Variants in KCNQ3 observed in about 807,000 individuals in gnomAD.
The protein encoded by KCNQ3 is potassium voltage-gated channel subfamily KQT member 3.
KCNQ3 carries 30 observed loss-of-function variants against 92.5 expected under a neutral mutation model. The ratio of observed to expected loss-of-function variants is 0.32; its 90% confidence interval spans 0.24 to 0.44. The LOEUF is 0.44. Among genes scored for constraint, KCNQ3 ranks in the 20% least tolerant of loss-of-function variants. KCNQ3 has a pLI of 1.00. For missense variants in KCNQ3, 913 were observed against 1,140.3 expected, an observed-to-expected ratio of 0.80 and a Z score of 2.87; for synonymous variants, 450 against 468.8, an observed-to-expected ratio of 0.96 and a Z score of 0.52.
At position 132,137,888 on chromosome 8, in the gene KCNQ3, G is replaced by T. The variant is rs746403693; in HGVS notation, c.1697C>A (p.Thr566Lys). ...DMLSRIKYLQ[T>K]RIDMIFTPGP... ...CCTCCAGATGTGACTGTCTCACCTC[G>T]TCTGAAGGTACTTTATCCTGGAAAG... The change falls in exon 12 of 15, where the codon ACG (threonine) becomes AAG (lysine). Residue 566 changes from threonine to lysine, a missense_variant. Physicochemically the swap from Thr to Lys is moderately conservative, Grantham distance 78 (BLOSUM62 -1). Coordinates refer to ENST00000388996, the MANE Select transcript of KCNQ3 (RefSeq NM_004519.4). The T allele has an allele frequency of 6.2e-7, 1 of 1,614,012 alleles. No individual in the cohort carries two copies. Among genetic ancestry groups the T allele is most frequent in the Admixed American group, 1.7e-5 (1 of 60,028 alleles).
chr8:132,286,882 T>G (rs1819772320), intron 1 of KCNQ3, among the ~76,000 whole-genome samples: 1 of 152,176 alleles, frequency 6.6e-6, no homozygotes, highest in Non-Finnish European at 1.5e-5. Context: ...AGTGGGTTGT[T>G]ATGAGGAGAG....
intron 1 of KCNQ3, among the ~76,000 whole-genome samples, chr8:132,310,507 C>T (rs1817563562): frequency 6.6e-6 from 1 of 152,190 alleles, no homozygotes; most frequent in Non-Finnish European, 1.5e-5. Context: ...GGGTGGGCAG[C>T]AGAGGACGAG....
Position 132,411,198 on chromosome 8 carries a change from T to G in KCNQ3, c.386+68949A>C, listed in dbSNP as rs568824387. On this transcript the variant is annotated intron_variant, in intron 1 of 14. Coordinates refer to ENST00000388996, the MANE Select transcript of KCNQ3 (RefSeq NM_004519.4). ...AGAGTGTTATTTTAAGAGAAATTGTTTGGCACCTTGTGAATTCAATGTTGC... is the reference window on the plus strand; with the variant it reads ...AGAGTGTTATTTTAAGAGAAATTGTGTGGCACCTTGTGAATTCAATGTTGC... Among the ~76,000 whole-genome samples the G allele has an allele frequency of 8.5e-5, 13 of 152,330 alleles. No homozygotes were observed. In the South Asian group the frequency reaches 1.0e-3, roughly 12 times the overall value.
intron 12 of KCNQ3, among the ~76,000 whole-genome samples, chr8:132,137,438 T>G (rs1825138692): frequency 6.6e-6 from 1 of 152,214 alleles, no homozygotes; most frequent in Non-Finnish European, 1.5e-5. Flanking sequence ...AGGAGTTCAA[T>G]AAAAATGATG....
intron 1 of KCNQ3, among the ~76,000 whole-genome samples, chr8:132,252,290 T>C (rs1447859787): frequency 6.9e-6 from 1 of 144,016 alleles, no homozygotes; most frequent in Non-Finnish European, 1.6e-5. Context: ...GATGTTCAGA[T>C]GTGTCCGGAG....
At chr8:132,211,849 AG>A (rs1311281730) in intron 1 of KCNQ3, among the ~76,000 whole-genome samples, 6 of 148,956 alleles carry the variant, frequency 4.0e-5, no homozygotes, top group African/African-American at 1.5e-4. Context: ...GCAACTTGGG[AG>A]GCTGAGGCAG....
At chr8:132,209,489 G>T (rs1369912905) in intron 1 of KCNQ3, among the ~76,000 whole-genome samples, 1 of 151,600 alleles carries the variant, frequency 6.6e-6, no homozygotes, top group Non-Finnish European at 1.5e-5. Flanking sequence ...CCTGTTCATT[G>T]TCATTAAGCC....
At chr8:132,432,250 C>T (rs941966795) in intron 1 of KCNQ3, among the ~76,000 whole-genome samples, 3 of 151,746 alleles carry the variant, frequency 2.0e-5, no homozygotes, top group East Asian at 1.9e-4. Context: ...GAATTGGAAT[C>T]GAATTAATCA....
chr8:132,309,002 T>C (rs939478822), intron 1 of KCNQ3, among the ~76,000 whole-genome samples: 4 of 152,196 alleles, frequency 2.6e-5, no homozygotes, highest in Admixed American at 1.3e-4. Flanking sequence ...GATTAACATT[T>C]GAGTCAGTGG....
intron 1 of KCNQ3, among the ~76,000 whole-genome samples, chr8:132,358,566 T>C (rs909076468): frequency 2.6e-5 from 4 of 152,162 alleles, no homozygotes; most frequent in East Asian, 1.9e-4. Flanking sequence ...ATTACAAATA[T>C]ATGCGTTTGA....
intron 1 of KCNQ3, among the ~76,000 whole-genome samples, chr8:132,369,788 C>T (rs564799275): frequency 6.6e-6 from 1 of 152,168 alleles, no homozygotes; most frequent in Non-Finnish European, 1.5e-5. Context: ...CGTCCACACA[C>T]CTGGCATTAT....
intron 1 of KCNQ3, among the ~76,000 whole-genome samples, chr8:132,366,874 G>T (rs1376816759): frequency 6.6e-6 from 1 of 152,126 alleles, no homozygotes; most frequent in African/African-American, 2.4e-5. Context: ...TAGAATGTTT[G>T]CTTAATTTCA....
intron 1 of KCNQ3, among the ~76,000 whole-genome samples, chr8:132,214,712 C>T (rs1180556739): frequency 6.6e-6 from 1 of 152,238 alleles, no homozygotes; most frequent in East Asian, 1.9e-4. Flanking sequence ...ATGTTTATGT[C>T]ATTCCTTCAT....
intron 1 of KCNQ3, among the ~76,000 whole-genome samples, chr8:132,231,980 T>A (rs941338368): frequency 6.6e-6 from 1 of 152,136 alleles, no homozygotes; most frequent in African/African-American, 2.4e-5. Context: ...TCCTTATACC[T>A]CCCTACTGGA....
At position 132,189,907 on chromosome 8, in the gene KCNQ3, A is replaced by AAAAAG. The variant is rs1480816124; in HGVS notation, c.387-3727_387-3726insCTTTT. Among the ~76,000 whole-genome samples, 265 of 132,190 alleles carry AAAAAG rather than the reference A, an allele frequency of 2.0e-3. 1 individual carries two copies. Among genetic ancestry groups the AAAAAG allele is most frequent in the African/African-American group, 8.2e-3 (236 of 28,766 alleles). 86.7% of individuals were successfully genotyped at this position (132,190 alleles called of 152,430 possible). On this transcript the variant is annotated intron_variant, in intron 1 of 14. Transcript: ENST00000388996. Reference sequence around the variant, plus strand: ...AATGACCAAAAAAAAAAAAAAAAAAAAGAGAGAGAGAGAGAGAAGAGGATA... The same window carrying AAAAAG: ...AATGACCAAAAAAAAAAAAAAAAAAAAAAAGAGAGAGAGAGAGAGAGAAGAGGATA...
chr8:132,233,967 A>G (rs1015503022), intron 1 of KCNQ3, among the ~76,000 whole-genome samples: 4 of 152,224 alleles, frequency 2.6e-5, no homozygotes, highest in African/African-American at 9.6e-5. Context: ...TGAACACATA[A>G]TTTATTGTCC....
chr8:132,381,696 T>G (rs1408519340), intron 1 of KCNQ3, among the ~76,000 whole-genome samples: 1 of 152,192 alleles, frequency 6.6e-6, no homozygotes, highest in Non-Finnish European at 1.5e-5. Flanking sequence ...GTGTTGACCT[T>G]GTGGTGCTGA....
intron 1 of KCNQ3, among the ~76,000 whole-genome samples, chr8:132,418,260 C>G (rs1820874036): frequency 6.6e-6 from 1 of 152,168 alleles, no homozygotes; most frequent in South Asian, 2.1e-4. Context: ...AGAGGAGCGG[C>G]ATTAACTGGC....
At chr8:132,235,461 A>C (rs1369262515) in intron 1 of KCNQ3, among the ~76,000 whole-genome samples, 2 of 152,180 alleles carry the variant, frequency 1.3e-5, no homozygotes, top group Admixed American at 1.3e-4. Flanking sequence ...AGATCACACC[A>C]CTGCACTCTA....
Sources: gnomAD v4.1 joint callset for allele counts (sites outside exome capture counted in the v4.1 genomes callset) on GRCh38, gnomAD v4.1.1 for gene constraint, MANE v1.5 for transcripts, NCBI Gene and HGNC (gene_info 2026-07-23, HGNC 2026-07-21) for gene names.